OPCML: variants seen among roughly 807,000 people sequenced by gnomAD.
The protein encoded by OPCML is opioid binding protein/cell adhesion molecule like.
A neutral mutation model predicts 37.8 loss-of-function variants in OPCML; 13 were observed. That is an observed-to-expected ratio of 0.34 (90% confidence interval 0.22 to 0.55). The LOEUF (loss-of-function observed/expected upper bound fraction) is 0.55, where lower values mean the gene tolerates loss of function less well. Ranked by LOEUF, OPCML falls within the 20% of genes least tolerant of loss-of-function variation. The probability of loss-of-function intolerance (pLI) is 0.91; values close to 1 mark genes in which losing one functional copy is unlikely to be tolerated. For missense variants in OPCML, 341 were observed against 435.6 expected (o/e 0.78, Z 1.93); for synonymous variants, 176 against 168.8 (o/e 1.04, Z -0.33).
chr11:133,505,014 C>G (rs1947995594), intron 1 of OPCML, among the ~76,000 whole-genome samples: 1 of 152,204 alleles, frequency 6.6e-6, no homozygotes, highest in South Asian at 2.1e-4. Context: ...ATGTAGCAGG[C>G]ACAGGGGCTG....
intron 1 of OPCML, among the ~76,000 whole-genome samples, chr11:133,133,447 C>T (rs903714547): frequency 3.3e-5 from 5 of 152,196 alleles, no homozygotes; most frequent in African/African-American, 1.2e-4. Flanking sequence ...TTGCCTACCT[C>T]ATGCAGCCCT....
intron 1 of OPCML, among the ~76,000 whole-genome samples, chr11:133,356,099 A>T (rs1944283251): frequency 6.6e-6 from 1 of 152,182 alleles, no homozygotes; most frequent in African/African-American, 2.4e-5. Flanking sequence ...ATGACAGAAA[A>T]TGATTTCCAG....
intron 1 of OPCML, among the ~76,000 whole-genome samples, chr11:133,505,671 A>C (rs1275600018): frequency 6.6e-6 from 1 of 152,198 alleles, no homozygotes; most frequent in Non-Finnish European, 1.5e-5. Flanking sequence ...CTGTCTTATA[A>C]TCGTTAACCA....
intron 1 of OPCML, among the ~76,000 whole-genome samples, chr11:133,107,992 G>C (rs564689046): frequency 2.0e-5 from 3 of 152,272 alleles, no homozygotes; most frequent in East Asian, 1.9e-4. Context: ...GTGGCTATTG[G>C]TATGCAGCAC....
At chr11:132,469,848 T>G (rs575873304) in intron 4 of OPCML, among the ~76,000 whole-genome samples, 1 of 122,278 alleles carries the variant, frequency 8.2e-6, no homozygotes, top group African/African-American at 3.1e-5. Context: ...GCTGTATGTG[T>G]GTGTATGTAT....
chr11:133,031,857 A>G (rs1947680413), intron 1 of OPCML, among the ~76,000 whole-genome samples: 1 of 152,198 alleles, frequency 6.6e-6, no homozygotes, highest in Admixed American at 6.5e-5. Flanking sequence ...AGACCTCTCA[A>G]CAAGAATAAA....
rs867366418 is a variant in OPCML at position 133,240,229 on chromosome 11, A to G, written c.61+292035T>C. Among the ~76,000 whole-genome samples the G allele has an allele frequency of 7.6e-3, 1,154 of 151,484 alleles. 12 individuals are homozygous for G. The highest frequency in any genetic ancestry group is 0.025 in the African/African-American group (1,045 of 41,180). Reference sequence around the variant, plus strand: ...ACTTGGGGCAAAAAAAAAAAAAAAAAAAAAAACAGAGGGGCAAAAAAACAG... The same window carrying G: ...ACTTGGGGCAAAAAAAAAAAAAAAAGAAAAAACAGAGGGGCAAAAAAACAG... On this transcript the variant is annotated intron_variant, in intron 1 of 7. Transcript: ENST00000524381.
At chr11:133,073,732 C>T (rs969726027) in intron 1 of OPCML, among the ~76,000 whole-genome samples, 1 of 152,186 alleles carries the variant, frequency 6.6e-6, no homozygotes, top group Non-Finnish European at 1.5e-5. Context: ...GACATCCTAA[C>T]CTTCAACAAT....
chr11:132,861,473 G>C (rs371064776), intron 2 of OPCML, among the ~76,000 whole-genome samples: 135 of 152,274 alleles, frequency 8.9e-4, no homozygotes, highest in African/African-American at 2.9e-3. Context: ...ATATGTACTT[G>C]CATCCAAATA....
chr11:133,088,681 C>A (rs748181462), intron 1 of OPCML, among the ~76,000 whole-genome samples: 1 of 152,132 alleles, frequency 6.6e-6, no homozygotes, highest in African/African-American at 2.4e-5. Context: ...CTTTCTGCAA[C>A]AAGACTTTAA....
chr11:132,438,033 C>G (rs1430188305), intron 4 of OPCML, among the ~76,000 whole-genome samples: 1 of 152,208 alleles, frequency 6.6e-6, no homozygotes, highest in Non-Finnish European at 1.5e-5. Flanking sequence ...GCCAGAATAG[C>G]CTAGTGGATT....
intron 1 of OPCML, among the ~76,000 whole-genome samples, chr11:133,302,932 C>T (rs2136569983): frequency 6.6e-6 from 1 of 152,238 alleles, no homozygotes; most frequent in South Asian, 2.1e-4. Context: ...TCTAATGCTA[C>T]TGAATTAAAT....
chr11:132,480,171 T>C (rs1029681221), intron 4 of OPCML, among the ~76,000 whole-genome samples: 1 of 152,010 alleles, frequency 6.6e-6, no homozygotes, highest in Non-Finnish European at 1.5e-5. Context: ...GAGAAGTGCT[T>C]AAAGGAGCTG....
At chr11:132,532,771 C>A (rs1033646074) in intron 3 of OPCML, among the ~76,000 whole-genome samples, 7 of 152,142 alleles carry the variant, frequency 4.6e-5, no homozygotes. Context: ...CTGCGGACCA[C>A]AACAGGAGAA....
chr11:132,429,534 G>A (rs1164092330), intron 7 of OPCML, among the ~76,000 whole-genome samples: 1 of 152,236 alleles, frequency 6.6e-6, no homozygotes, highest in East Asian at 1.9e-4. Flanking sequence ...GGAAGAGCGA[G>A]GCATGCCCCG....
At chr11:133,248,994 A>C (rs7107209) in intron 1 of OPCML, among the ~76,000 whole-genome samples, 1 of 152,034 alleles carries the variant, frequency 6.6e-6, no homozygotes, top group Non-Finnish European at 1.5e-5. Flanking sequence ...CTCATGATCC[A>C]ACACTCTAGA....
intron 2 of OPCML, among the ~76,000 whole-genome samples, chr11:132,736,223 G>A (rs951501581): frequency 6.6e-6 from 1 of 152,122 alleles, no homozygotes; most frequent in African/African-American, 2.4e-5. Flanking sequence ...AGGAAAAACT[G>A]TCTCTTCAGT....
At chr11:132,599,109 T>A (rs1460011972) in intron 3 of OPCML, among the ~76,000 whole-genome samples, 2 of 152,070 alleles carry the variant, frequency 1.3e-5, no homozygotes, top group Non-Finnish European at 2.9e-5. Context: ...TGAAACCCCA[T>A]CTCTACTAAA....
At chr11:133,451,491 AG>A (rs1946579146) in intron 1 of OPCML, among the ~76,000 whole-genome samples, 1 of 151,702 alleles carries the variant, frequency 6.6e-6, no homozygotes, top group Non-Finnish European at 1.5e-5. Context: ...CTATAAAATG[AG>A]GAAAGAGGTG....
Sources: gnomAD v4.1 joint callset for allele counts (sites outside exome capture counted in the v4.1 genomes callset) on GRCh38, gnomAD v4.1.1 for gene constraint, MANE v1.5 for transcripts, NCBI Gene and HGNC (gene_info 2026-07-23, HGNC 2026-07-21) for gene names.